Variants in ADGRL3 observed in about 807,000 individuals in gnomAD.
ADGRL3 encodes the protein calcium-independent alpha-latrotoxin receptor 3.
A neutral mutation model predicts 153.5 loss-of-function variants in ADGRL3; 62 were observed. The observed-to-expected ratio is 0.40, with a 90% CI of 0.33 to 0.50. ADGRL3 has a LOEUF of 0.50. ADGRL3 is among the 20% of genes least tolerant of loss of function. ADGRL3 has a pLI of 0.47. For missense variants in ADGRL3, 1,641 were observed against 1,859.4 expected (o/e 0.88, Z 2.16); for synonymous variants, 710 against 672.5 (o/e 1.06, Z -0.86).
At chr4:61,697,533 G>A (rs1405574035) in intron 6 of ADGRL3, among the ~76,000 whole-genome samples, 3 of 144,600 alleles carry the variant, frequency 2.1e-5, no homozygotes, top group Non-Finnish European at 4.5e-5. Context: ...CACTCCAGCC[G>A]GGATGGCAAA....
intron 4 of ADGRL3, among the ~76,000 whole-genome samples, chr4:61,532,553 CGCGT>C (rs1418652651): frequency 2.3e-5 from 3 of 131,516 alleles, no homozygotes; most frequent in African/African-American, 5.7e-5. Flanking sequence ...CGCGCGCGCG[CGCGT>C]GTGTGTGTGT....
chr4:61,989,982 G>C (rs972479946), intron 19 of ADGRL3, among the ~76,000 whole-genome samples: 1 of 151,898 alleles, frequency 6.6e-6, no homozygotes, highest in Non-Finnish European at 1.5e-5. Flanking sequence ...TCAGAAAATC[G>C]TTTCACAGAT....
At chr4:61,587,909 T>C (rs2098953095) in intron 5 of ADGRL3, among the ~76,000 whole-genome samples, 1 of 152,030 alleles carries the variant, frequency 6.6e-6, no homozygotes, top group African/African-American at 2.4e-5. Flanking sequence ...TTAGTTGGCC[T>C]TGGAAAATAA....
chr4:61,660,475 T>C (rs552842879), intron 5 of ADGRL3, among the ~76,000 whole-genome samples: 404 of 152,272 alleles, frequency 2.7e-3, no homozygotes, highest in African/African-American at 9.2e-3. Context: ...TTTAAATGAA[T>C]CGATTTTTAT....
intron 9 of ADGRL3, among the ~76,000 whole-genome samples, chr4:61,889,168 A>G (rs1011626000): frequency 6.6e-6 from 1 of 152,214 alleles, no homozygotes; most frequent in African/African-American, 2.4e-5. Flanking sequence ...AATCCTAACA[A>G]CACATATTAG....
chr4:61,503,681 A>T (rs1472973684), intron 3 of ADGRL3, among the ~76,000 whole-genome samples: 1 of 152,052 alleles, frequency 6.6e-6, no homozygotes, highest in Admixed American at 6.5e-5. Context: ...TAGCTTTTAA[A>T]TTTTTTATTT....
chr4:61,507,959 C>G (rs953222760), intron 3 of ADGRL3, among the ~76,000 whole-genome samples: 2 of 152,036 alleles, frequency 1.3e-5, no homozygotes, highest in African/African-American at 4.8e-5. Flanking sequence ...GTTGCCATAC[C>G]ATTAAAAAAT....
At chr4:61,438,872 T>C (rs2097490283) in intron 2 of ADGRL3, among the ~76,000 whole-genome samples, 1 of 151,924 alleles carries the variant, frequency 6.6e-6, no homozygotes, top group African/African-American at 2.4e-5. Flanking sequence ...CACGCCCGGC[T>C]AATTTTTTGT....
At chr4:61,851,231 G>A (rs931738893) in intron 9 of ADGRL3, among the ~76,000 whole-genome samples, 14 of 152,192 alleles carry the variant, frequency 9.2e-5, no homozygotes, top group African/African-American at 3.4e-4. Context: ...GCAAAGGCGT[G>A]TAACTCAGAA....
At chr4:61,710,405 G>GT (rs1174414045) in intron 6 of ADGRL3, among the ~76,000 whole-genome samples, 1 of 152,102 alleles carries the variant, frequency 6.6e-6, no homozygotes, top group Non-Finnish European at 1.5e-5. Flanking sequence ...ACTTTGGAAT[G>GT]TCCCTTATTC....
At chr4:61,832,749 T>G (rs1039512846) in intron 9 of ADGRL3, among the ~76,000 whole-genome samples, 2 of 152,116 alleles carry the variant, frequency 1.3e-5, no homozygotes, top group Non-Finnish European at 2.9e-5. Context: ...GAATATATAA[T>G]CAATCACTTG....
intron 4 of ADGRL3, among the ~76,000 whole-genome samples, chr4:61,536,701 C>T (rs191261091): frequency 6.6e-6 from 1 of 151,938 alleles, no homozygotes; most frequent in African/African-American, 2.4e-5. Context: ...ACAAGAATAA[C>T]CATCCCTGCT....
At chr4:61,347,195 T>G (rs1372095626) in intron 1 of ADGRL3, among the ~76,000 whole-genome samples, 1 of 152,116 alleles carries the variant, frequency 6.6e-6, no homozygotes, top group Admixed American at 6.6e-5. Context: ...TGTTTCAAAC[T>G]TTTTATGTGC....
intron 4 of ADGRL3, among the ~76,000 whole-genome samples, chr4:61,548,994 G>A (rs903100758): frequency 6.6e-6 from 1 of 151,938 alleles, no homozygotes; most frequent in Non-Finnish European, 1.5e-5. Flanking sequence ...CCATTTGTTT[G>A]TGTCATCACT....
intron 6 of ADGRL3, among the ~76,000 whole-genome samples, chr4:61,705,665 T>C (rs1234336707): frequency 6.6e-6 from 1 of 151,808 alleles, no homozygotes; most frequent in East Asian, 1.9e-4. Context: ...GCCCAGCTAA[T>C]TTTTTGTATT....
At chr4:61,754,016 T>G (rs1281107383) in intron 8 of ADGRL3, among the ~76,000 whole-genome samples, 1 of 152,224 alleles carries the variant, frequency 6.6e-6, no homozygotes, top group Non-Finnish European at 1.5e-5. Context: ...TGGAGGTTCC[T>G]GAGCCTGCCG....
At chr4:61,646,801 C>A (rs1214760218) in intron 5 of ADGRL3, among the ~76,000 whole-genome samples, 1 of 152,182 alleles carries the variant, frequency 6.6e-6, no homozygotes, top group African/African-American at 2.4e-5. Context: ...GTGGTGGGCT[C>A]CACCCAGTTT....
chr4:61,776,504 T>G (rs925554880), intron 8 of ADGRL3, among the ~76,000 whole-genome samples: 10 of 152,158 alleles, frequency 6.6e-5, no homozygotes, highest in African/African-American at 2.2e-4. Context: ...GGGTCTGAAA[T>G]CAACTATTAA....
At chr4:61,768,601 G>T (rs1009192582) in intron 8 of ADGRL3, among the ~76,000 whole-genome samples, 1 of 152,180 alleles carries the variant, frequency 6.6e-6, no homozygotes, top group South Asian at 2.1e-4. Context: ...TGGCTATTTG[G>T]AACTACTCTT....
Sources: allele counts gnomAD v4.1 joint callset (sites outside exome capture counted in the v4.1 genomes callset), GRCh38; gene constraint gnomAD v4.1.1; transcripts MANE v1.5; gene names NCBI Gene and HGNC (gene_info 2026-07-23, HGNC 2026-07-21).